Variants in ADCK5 observed in about 807,000 individuals in gnomAD.
The protein encoded by ADCK5 is aarF domain containing kinase 5, also known as uncharacterized aarF domain-containing protein kinase 5.
Under a neutral mutation model 64.9 loss-of-function variants are expected in ADCK5, and 43 were observed. The observed-to-expected ratio is 0.66, with a 90% CI of 0.52 to 0.85. The LOEUF (loss-of-function observed/expected upper bound fraction) is 0.85, where lower values mean the gene tolerates loss of function less well. Among genes scored for constraint, ADCK5 ranks in the 40% least tolerant of loss-of-function variants. ADCK5 has a pLI of 0.00. For missense variants in ADCK5, 760 were observed against 810.5 expected (o/e 0.94, Z 0.76); for synonymous variants, 434 against 342.8 (o/e 1.27, Z -2.94).
In ADCK5 at chr8:144,391,469, C is replaced by G; in HGVS notation, c.793C>G (p.Leu265Val). The G allele has an allele frequency of 6.2e-7, 1 of 1,610,484 alleles. No individual in the cohort carries two copies. The highest frequency in any genetic ancestry group is 8.5e-7 in the Non-Finnish European group (1 of 1,179,298). ...CCCCAGCTTTGGCTTCAGCTGGGTC[C>G]TCCAGGTACAGCCCCACCCCTTCCC... ...MHPSFGFSWV[L>V]QDLKGTLAQE... The change falls in exon 7 of 15, where the codon CTC (leucine) becomes GTC (valine). Residue 265 changes from leucine (L) to valine (V), a missense_variant. Leu to Val is a conservative substitution (Grantham distance 32, BLOSUM62 1). Around this residue, in one of 2 missense-constraint regions of ADCK5, gnomAD observed 427 missense variants for 518.4 expected, o/e 0.82. Coordinates refer to ENST00000308860, the MANE Select transcript of ADCK5 (RefSeq NM_174922.5).
chr8:144,392,414 CCCCTCCCTCCCTCCCTCCCT>C lies in ADCK5; in HGVS notation c.1268-23_1268-4del, dbSNP rs202063131. 2.8e-6 allele frequency: 4 copies of C among 1,435,498 alleles called. No individual in the cohort carries two copies. Among genetic ancestry groups the C allele is most frequent in the Middle Eastern group, 1.9e-4 (1 of 5,196 alleles). The allele number at this position is 1,435,498 out of a possible 1,614,324, so 88.9% of individuals were successfully genotyped here. On this transcript the variant is annotated splice_polypyrimidine_tract_variant and intron_variant, in intron 12 of 14. Transcript: ENST00000308860. Reference sequence around the variant, plus strand: ...GGGCGGCGCGGAACCCACTCAGAGCCCCCTCCCTCCCTCCCTCCCTCCCTCCCCAGACTACCTCCTGTTCG... The same window carrying C: ...GGGCGGCGCGGAACCCACTCAGAGCCCCCTCCCCAGACTACCTCCTGTTCG...
At chr8:144,375,068 C>T (rs1554856858) in intron 1 of ADCK5, among the ~76,000 whole-genome samples, 1 of 152,270 alleles carries the variant, frequency 6.6e-6, no homozygotes. Context: ...ACTCGTGCCC[C>T]AGCCCAGCTG....
In ADCK5 at chr8:144,392,651, G is replaced by T; in HGVS notation, c.1474G>T (p.Val492Leu). ...RNINTVRAIN[V>L]ALGAPVDRYF... ...CATCAACACCGTGCGCGCTATCAAC[G>T]TGGCCCTCGGCGCCCCCGTGGACCG... is the stretch of plus-strand genomic sequence containing the variant. The change falls in exon 13 of 15, where the codon GTG becomes TTG. Residue 492 changes from valine to leucine, a missense_variant. Transcript: ENST00000308860. 1 of 1,594,646 alleles carries T rather than the reference G, an allele frequency of 6.3e-7. No individual in the cohort carries two copies.
chr8:144,380,451 T>C (rs34362109), intron 2 of ADCK5, among the ~76,000 whole-genome samples: 59 of 122,656 alleles, frequency 4.8e-4, no homozygotes, highest in South Asian at 1.1e-3. Flanking sequence ...GATTATGGGC[T>C]GGGTGTAGAA....
chr8:144,393,105 T>A lies in ADCK5; in HGVS notation c.*31T>A. ...AGCCGCCCAGGGCCGGCGGGGCCCT[T>A]TTCACCTTGGGCTGACGGAGGTGGC... On this transcript the variant is annotated 3_prime_UTR_variant, in exon 15 of 15. Transcript: ENST00000308860. 4.6e-6 allele frequency: 7 copies of A among 1,510,368 alleles called. No individual in the cohort carries two copies. The highest frequency in any genetic ancestry group is 5.3e-6 in the Non-Finnish European group (6 of 1,132,066). The allele number at this position is 1,510,368 out of a possible 1,614,324, so 93.6% of individuals were successfully genotyped here.
chr8:144,378,553 G>A (rs782507644), intron 1 of ADCK5, among the ~76,000 whole-genome samples: 1 of 152,008 alleles, frequency 6.6e-6, no homozygotes, highest in Non-Finnish European at 1.5e-5. Flanking sequence ...GCCTCTCAGT[G>A]GTGCTTCCTG....
At position 144,390,789 on chromosome 8, in the gene ADCK5, G is replaced by T. The variant is rs781910730; in HGVS notation, c.342+43G>T. On this transcript the variant is annotated intron_variant, in intron 4 of 14. Transcript: ENST00000308860. Reference sequence around the variant, plus strand: ...GGGCACACAGTGGTGGGCATGAGGTGGTGGGCTGGGTGGGACTGAGGAGGC... The same window carrying T: ...GGGCACACAGTGGTGGGCATGAGGTTGTGGGCTGGGTGGGACTGAGGAGGC... The T allele has an allele frequency of 2.5e-6, 4 of 1,608,972 alleles. No individual in the cohort carries two copies. The Admixed American group carries it at 6.7e-5, about 27-fold the overall frequency.
At chr8:144,379,989 T>A (rs931936359) in intron 2 of ADCK5, among the ~76,000 whole-genome samples, 6 of 152,040 alleles carry the variant, frequency 3.9e-5, no homozygotes, top group Admixed American at 6.5e-5. Flanking sequence ...GCAGGCAGGG[T>A]GAGCTGTCCA....
Position 144,392,612 on chromosome 8 carries a change from C to G in ADCK5, c.1435C>G (p.Leu479Val). Reference protein sequence around the residue: ...VLRELPRPMLLVLRNINTVRA... With the variant: ...VLRELPRPMLVVLRNINTVRA... ...CAGGGAGCTGCCGCGGCCCATGCTG[C>G]TGGTGCTGCGCAACATCAACACCGT... The change falls in exon 13 of 15, where the codon CTG becomes GTG. Residue 479 changes from leucine (L) to valine (V), a missense_variant. By Grantham distance (32) the Leu-to-Val change is conservative. Coordinates refer to ENST00000308860, the MANE Select transcript of ADCK5 (RefSeq NM_174922.5). 1.3e-6 allele frequency: 2 copies of G among 1,586,528 alleles called. No individual in the cohort carries two copies. Among genetic ancestry groups the G allele is most frequent in the Non-Finnish European group, 1.7e-6 (2 of 1,170,574 alleles).
Position 144,384,041 on chromosome 8 carries a change from A to G in ADCK5, c.266+811A>G, listed in dbSNP as rs928029868. On this transcript the variant is annotated intron_variant, in intron 3 of 14. Coordinates refer to ENST00000308860, the MANE Select transcript of ADCK5 (RefSeq NM_174922.5). The surrounding 1 kb of genome is among the most constrained non-coding windows in gnomAD (Gnocchi z 5.7). ...TGAGTAGCCGGGACTACAGGTGCCCACCACCATGCCTGGCTAAATTATTTA... is the reference window on the plus strand; with the variant it reads ...TGAGTAGCCGGGACTACAGGTGCCCGCCACCATGCCTGGCTAAATTATTTA... Among the ~76,000 whole-genome samples the G allele has an allele frequency of 1.3e-5, 2 of 151,958 alleles. No individual in the cohort carries two copies. The highest frequency in any genetic ancestry group is 6.6e-5 in the Admixed American group (1 of 15,262).
At chr8:144,379,591 C>A in intron 2 of ADCK5, 101 bp downstream of exon 2, 1 of 958,788 alleles carries the variant, frequency 1.0e-6, no homozygotes, top group Non-Finnish European at 1.5e-6. Flanking sequence ...GCTGGACCTT[C>A]TCCTGTACCC....
intron 3 of ADCK5, among the ~76,000 whole-genome samples, chr8:144,387,472 C>T (rs935898214): frequency 6.6e-6 from 1 of 152,086 alleles, no homozygotes; most frequent in African/African-American, 2.4e-5. Context: ...AACATCTTGG[C>T]TCACTTCAGC....
rs1017935492 is a variant in ADCK5, at chr8:144,376,299, C to T, written c.12+2192C>T. 6.6e-6 allele frequency among the ~76,000 whole-genome samples: 1 copy of T among 152,194 alleles called. No homozygotes were observed. The highest frequency in any genetic ancestry group is 2.4e-5 in the African/African-American group (1 of 41,446). On this transcript the variant is annotated intron_variant, in intron 1 of 14. Coordinates refer to ENST00000308860, the MANE Select transcript of ADCK5 (RefSeq NM_174922.5). This position sits in a 1 kb window ranked among gnomAD's most constrained non-coding sequence, Gnocchi z 5.1. The stretch of plus-strand genomic sequence containing the variant: ...GTTCAGAGATGGTTGAGAGGTGGCC[C>T]TGCTCACAGTCTAGTGGGAGGACAG...
upstream of ADCK5, chr8:144,373,908 CCGCCAGGGGA>C (rs1819254288): frequency 3.3e-6 from 2 of 597,840 alleles, no homozygotes; most frequent in South Asian, 8.9e-5. Flanking sequence ...CCTCTGGGGG[CCGCCAGGGGA>C]CGCTGCCCCG....
At position 144,391,667 on chromosome 8, in the gene ADCK5, C is replaced by T. The variant is rs1820236793; in HGVS notation, c.886C>T (p.Pro296Ser). Residue 296 changes from proline (P) to serine (S), a missense_variant, in exon 8 of 15, where the codon CCC becomes TCC. By Grantham distance (74) the Pro-to-Ser change is moderately conservative. Transcript: ENST00000308860. ...ERCARELAHF[P>S]YVVVPRVHWD... ...CTGTGCGCGGGAGCTGGCGCACTTC[C>T]CCTACGTCGTGGTGCCCCGCGTGCA... 8 of 1,543,580 alleles carry T rather than the reference C, an allele frequency of 5.2e-6. No homozygotes were observed. Among genetic ancestry groups the T allele is most frequent in the African/African-American group, 1.4e-5 (1 of 73,418 alleles).
chr8:144,391,735 G>GTGGGCACAGCGCTGGGCCTGC lies in ADCK5; in HGVS notation c.930+27_931-25dup, dbSNP rs1398368527. 20 of 1,538,424 alleles carry GTGGGCACAGCGCTGGGCCTGC rather than the reference G, an allele frequency of 1.3e-5. No homozygotes were observed. In the African/African-American group the frequency reaches 1.9e-4, roughly 15 times the overall value. ...AGGTGGGCTGGGCCAGGCCCTTGGG[G>GTGGGCACAGCGCTGGGCCTGC]TGGGCACAGCGCTGGGCCTGCTGAG... is the stretch of plus-strand genomic sequence containing the variant. On this transcript the variant is annotated intron_variant, in intron 8 of 14. Coordinates refer to ENST00000308860, the MANE Select transcript of ADCK5 (RefSeq NM_174922.5).
At position 144,391,678 on chromosome 8, in the gene ADCK5, G is replaced by T; in HGVS notation, c.897G>T (p.Val299=). The T allele has an allele frequency of 6.5e-7, 1 of 1,541,608 alleles. No homozygotes were observed. Among genetic ancestry groups the T allele is most frequent in the Non-Finnish European group, 8.7e-7 (1 of 1,147,738 alleles). The change falls in exon 8 of 15, where the codon GTG becomes GTT. Residue 299 remains valine, a synonymous_variant. Transcript: ENST00000308860. ...AGCTGGCGCACTTCCCCTACGTCGTGGTGCCCCGCGTGCACTGGGACAAGT... is the reference window on the plus strand; with the variant it reads ...AGCTGGCGCACTTCCCCTACGTCGTTGTGCCCCGCGTGCACTGGGACAAGT... ...ARELAHFPYV[V]VPRVHWDKSS...
intron 1 of ADCK5, 113 bp from the exon 2 acceptor site, chr8:144,379,274 T>C (rs1169139331): frequency 3.0e-6 from 2 of 677,092 alleles, no homozygotes; most frequent in African/African-American, 3.7e-5. Context: ...ACTCACACAT[T>C]AGGTTTAGAG....
intron 3 of ADCK5, among the ~76,000 whole-genome samples, chr8:144,385,313 A>C (rs964284755): frequency 6.6e-6 from 1 of 151,028 alleles, no homozygotes; most frequent in South Asian, 2.1e-4. Flanking sequence ...CCTCCCAAGC[A>C]GCTGGGATTT....
Sources: allele counts gnomAD v4.1 joint callset (sites outside exome capture counted in the v4.1 genomes callset), GRCh38; gene constraint gnomAD v4.1.1; regional missense constraint gnomAD v4.1.1; non-coding constraint Gnocchi (gnomAD v3.1); transcripts MANE v1.5; gene names NCBI Gene and HGNC (gene_info 2026-07-23, HGNC 2026-07-21).